The following IRAG1 variants were observed in gnomAD, a reference collection of about 807,000 sequenced individuals.
IRAG1 encodes IP3R-associated cGMP kinase substrate.
In IRAG1, 62 loss-of-function variants were observed where a neutral mutation model predicts 106.2. That is an observed-to-expected ratio of 0.58 (90% CI 0.48 to 0.72). IRAG1 has a LOEUF of 0.72. Ranked by LOEUF, IRAG1 falls within the 30% of genes least tolerant of loss-of-function variation. The probability of loss-of-function intolerance (pLI) is 0.00; values close to 1 mark genes in which losing one functional copy is unlikely to be tolerated. For missense variants in IRAG1, 1,064 were observed against 1,140.7 expected (o/e 0.93, Z 0.97); for synonymous variants, 462 against 443.9 (o/e 1.04, Z -0.51).
chr11:10,606,595 C>G lies in IRAG1; in HGVS notation c.1602+147G>C. The G allele has an allele frequency of 7.8e-6, 6 of 769,242 alleles. No individual in the cohort carries two copies. The South Asian group carries it at 1.3e-4, about 17-fold the overall frequency. 47.7% of individuals were successfully genotyped at this position (769,242 alleles called of 1,614,324 possible). A position where few individuals can be genotyped will look rare whatever the true frequency, so the allele number is the denominator to read the frequency against. On this transcript the variant is annotated intron_variant, in intron 12 of 20. Transcript: ENST00000423302. ...ATGGGGATCTCATGGTTCAAGAGGGCTGGTCATGAATGTTCACATTACCCC... is the reference window on the plus strand; with the variant it reads ...ATGGGGATCTCATGGTTCAAGAGGGGTGGTCATGAATGTTCACATTACCCC...
intron 4 of IRAG1, among the ~76,000 whole-genome samples, chr11:10,630,510 C>G (rs1392517270): frequency 6.6e-6 from 1 of 152,108 alleles, no homozygotes; most frequent in Non-Finnish European, 1.5e-5. Flanking sequence ...TACTTGTTAG[C>G]TCTTTCCTGG....
chr11:10,615,023 T>C (rs1855283066), intron 10 of IRAG1, among the ~76,000 whole-genome samples: 2 of 152,152 alleles, frequency 1.3e-5, no homozygotes, highest in South Asian at 4.1e-4. Context: ...AGAAAATTTT[T>C]GCAATCTACT....
In IRAG1 at chr11:10,681,809, A is replaced by C. The variant is rs1388263723; in HGVS notation, c.67+11727T>G. On this transcript the variant is annotated intron_variant, in intron 1 of 20. Transcript: ENST00000423302. ...CCTGAGAGGTTTCATTCATGCATGCATTTGTTCATTCATTTAATGTATCTA... is the reference window on the plus strand; with the variant it reads ...CCTGAGAGGTTTCATTCATGCATGCCTTTGTTCATTCATTTAATGTATCTA... Among the ~76,000 whole-genome samples, 4 of 152,310 alleles carry C rather than the reference A, an allele frequency of 2.6e-5. No homozygotes were observed. In the East Asian group the frequency reaches 5.8e-4, roughly 22 times the overall value.
rs1282735373 is a variant in IRAG1, at chr11:10,652,110, G to T, written c.140C>A (p.Ser47Tyr). 1.2e-6 allele frequency: 2 copies of T among 1,610,198 alleles called. No homozygotes were observed. The highest frequency in any genetic ancestry group is 4.5e-5 in the East Asian group (2 of 44,694). The part of the protein sequence containing the change: ...AAEVPGTRGH[S>Y]QQEAAMPHIP... ...GTGGGGCATGGCAGCCTCCTGCTGGGAGTGGCCACGTGTGCCCGGAACCTC... is the reference window on the plus strand; with the variant it reads ...GTGGGGCATGGCAGCCTCCTGCTGGTAGTGGCCACGTGTGCCCGGAACCTC... The change falls in exon 2 of 21, where the codon TCC becomes TAC. Residue 47 changes from serine to tyrosine, a missense_variant. Physicochemically the swap from Ser to Tyr is moderately radical, Grantham distance 144. Transcript: ENST00000423302.
chr11:10,648,579 A>G (rs1858170506), intron 2 of IRAG1, among the ~76,000 whole-genome samples: 1 of 152,200 alleles, frequency 6.6e-6, no homozygotes, highest in Non-Finnish European at 1.5e-5. Flanking sequence ...TGGTCCCCTC[A>G]GGTCCCAGGC....
intron 10 of IRAG1, among the ~76,000 whole-genome samples, chr11:10,610,424 T>G (rs1309686453): frequency 6.6e-6 from 1 of 152,236 alleles, no homozygotes; most frequent in African/African-American, 2.4e-5. Context: ...AATGAACAGC[T>G]TTTTGTTTTT....
Position 10,576,261 on chromosome 11 carries a change from G to A in IRAG1, c.*71C>T. 2 of 1,593,896 alleles carry A rather than the reference G, an allele frequency of 1.3e-6. No homozygotes were observed. Among genetic ancestry groups the A allele is most frequent in the Admixed American group, 1.7e-5 (1 of 59,154 alleles). On this transcript the variant is annotated 3_prime_UTR_variant, in exon 21 of 21. Transcript: ENST00000423302. ...CGGCAGTGTGTCCACACTTGGGCCTGACGTTATACTTGGGGAAAGGGTGGT... is the reference window on the plus strand; with the variant it reads ...CGGCAGTGTGTCCACACTTGGGCCTAACGTTATACTTGGGGAAAGGGTGGT...
intron 17 of IRAG1, among the ~76,000 whole-genome samples, chr11:10,592,998 G>T (rs1027646020): frequency 6.6e-6 from 1 of 152,164 alleles, no homozygotes; most frequent in African/African-American, 2.4e-5. Flanking sequence ...ATATCCATTT[G>T]CTTAACCAAT....
Position 10,629,922 on chromosome 11 carries a change from G to C in IRAG1, c.401-211C>G, listed in dbSNP as rs534946716. The C allele has an allele frequency of 5.5e-6, 3 of 545,502 alleles. No individual in the cohort carries two copies. The East Asian group carries it at 9.3e-5, about 17-fold the overall frequency. 33.8% of individuals were successfully genotyped at this position (545,502 alleles called of 1,614,324 possible). On this transcript the variant is annotated intron_variant, in intron 4 of 20. Coordinates refer to ENST00000423302, the MANE Select transcript of IRAG1 (RefSeq NM_130385.4). Reference sequence around the variant, plus strand: ...TATGGCTTATGGCCTGTGGTCCTCCGTCACAAATGGTCCTGGAGCCATCTC... The same window carrying C: ...TATGGCTTATGGCCTGTGGTCCTCCCTCACAAATGGTCCTGGAGCCATCTC...
At chr11:10,634,205 T>A (rs1432459422) in intron 2 of IRAG1, 134 bp from the exon 3 acceptor site, 1 of 498,576 alleles carries the variant, frequency 2.0e-6, no homozygotes, top group Non-Finnish European at 3.6e-6. Flanking sequence ...GTTTACTCTT[T>A]ATTCCCCCAG....
intron 1 of IRAG1, among the ~76,000 whole-genome samples, chr11:10,667,525 T>A (rs1274975976): frequency 6.6e-6 from 1 of 152,152 alleles, no homozygotes; most frequent in Non-Finnish European, 1.5e-5. Context: ...CCCAATTCCC[T>A]ACTCATAAAA....
chr11:10,631,040 G>A (rs1453355299), intron 4 of IRAG1, among the ~76,000 whole-genome samples: 1 of 152,176 alleles, frequency 6.6e-6, no homozygotes, highest in African/African-American at 2.4e-5. Context: ...TGGAGTTGCT[G>A]GTAGCTATTG....
At chr11:10,581,519 G>A (rs1284099280) in intron 19 of IRAG1, among the ~76,000 whole-genome samples, 1 of 152,066 alleles carries the variant, frequency 6.6e-6, no homozygotes, top group Non-Finnish European at 1.5e-5. Context: ...GGCACTGCTG[G>A]CAGCAACATG....
At chr11:10,653,995 G>A (rs1858729530) in intron 1 of IRAG1, among the ~76,000 whole-genome samples, 1 of 152,184 alleles carries the variant, frequency 6.6e-6, no homozygotes, top group Non-Finnish European at 1.5e-5. Context: ...TTTGGCTGAT[G>A]GGACATGGTG....
At chr11:10,651,556 T>C (rs1858506989) in intron 2 of IRAG1, among the ~76,000 whole-genome samples, 1 of 151,566 alleles carries the variant, frequency 6.6e-6, no homozygotes, top group African/African-American at 2.5e-5. Flanking sequence ...TCTCTTTAAA[T>C]TAATCTGCTT....
intron 1 of IRAG1, among the ~76,000 whole-genome samples, chr11:10,654,518 T>C (rs147487314): frequency 0.011 from 1,692 of 152,270 alleles, 9 homozygotes; most frequent in Non-Finnish European, 0.019. Flanking sequence ...ATAGAGTCAT[T>C]CATTCTTTCA....
chr11:10,644,717 G>A (rs947114738), intron 2 of IRAG1, among the ~76,000 whole-genome samples: 3 of 152,304 alleles, frequency 2.0e-5, no homozygotes, highest in Non-Finnish European at 2.9e-5. Context: ...TCCTTACCAG[G>A]TTCCAAGTGT....
At chr11:10,613,236 A>G (rs368431124) in intron 10 of IRAG1, among the ~76,000 whole-genome samples, 1 of 148,512 alleles carries the variant, frequency 6.7e-6, no homozygotes, top group East Asian at 2.0e-4. Flanking sequence ...GCATCATGTT[A>G]AAAAATATAT....
At chr11:10,581,582 C>T (rs1227256604) in intron 19 of IRAG1, among the ~76,000 whole-genome samples, 1 of 152,056 alleles carries the variant, frequency 6.6e-6, no homozygotes, top group Non-Finnish European at 1.5e-5. Flanking sequence ...AGGAACCCAT[C>T]CAGGACCCCT....
Sources: allele counts gnomAD v4.1 joint callset (sites outside exome capture counted in the v4.1 genomes callset), GRCh38; gene constraint gnomAD v4.1.1; transcripts MANE v1.5; gene names NCBI Gene and HGNC (gene_info 2026-07-23, HGNC 2026-07-21).